The following IL1R1 variants were observed in gnomAD, a reference collection of about 807,000 sequenced individuals.
IL1R1 encodes the protein interleukin-1 receptor type 1.
A neutral mutation model predicts 50.2 loss-of-function variants in IL1R1; 22 were observed. That is an observed-to-expected ratio of 0.44 (90% CI 0.31 to 0.63). The LOEUF is 0.63. Ranked by LOEUF, IL1R1 falls within the 20% of genes least tolerant of loss-of-function variation. The pLI, the probability that IL1R1 is intolerant of heterozygous loss-of-function variation, is 0.07. For synonymous variants in IL1R1, 251 were observed against 236.7 expected, an observed-to-expected ratio of 1.06 and a Z score of -0.55; for missense variants, 509 against 676.2, an observed-to-expected ratio of 0.75 and a Z score of 2.74.
chr2:102,162,086 C>A (rs918950516), intron 3 of IL1R1, among the ~76,000 whole-genome samples: 28 of 152,208 alleles, frequency 1.8e-4, no homozygotes, highest in South Asian at 1.5e-3. Context: ...GTCACTCAAG[C>A]TTTAACTAAT....
At chr2:102,083,060 G>A (rs13419223) in intron 1 of IL1R1, among the ~76,000 whole-genome samples, 3,221 of 152,240 alleles carry the variant, frequency 0.021, 130 homozygotes, top group African/African-American at 0.073. Flanking sequence ...GTAAGCTTCT[G>A]TAGGGCTGGC....
At chr2:102,138,380 T>C (rs1263633224), upstream of IL1R1, among the ~76,000 whole-genome samples, 1 of 152,242 alleles carries the variant, frequency 6.6e-6, no homozygotes, top group Non-Finnish European at 1.5e-5. Context: ...GCACAAACAG[T>C]TGGCTGGTTT....
intron 1 of IL1R1, among the ~76,000 whole-genome samples, chr2:102,110,867 T>C (rs894515640): frequency 1.3e-5 from 2 of 151,642 alleles, no homozygotes; most frequent in African/African-American, 2.4e-5. Context: ...CTGAGCACTG[T>C]GAAAGAAACA....
At chr2:102,143,976 C>T (rs1682899635) in intron 1 of IL1R1, among the ~76,000 whole-genome samples, 1 of 152,166 alleles carries the variant, frequency 6.6e-6, no homozygotes, top group South Asian at 2.1e-4. Flanking sequence ...TCAGTCGCTG[C>T]GGTTTGGTGC....
upstream of IL1R1, among the ~76,000 whole-genome samples, chr2:102,101,072 T>A (rs1328236709): frequency 1.3e-5 from 2 of 152,154 alleles, no homozygotes; most frequent in African/African-American, 4.8e-5. Context: ...TCAGGTCAAT[T>A]AGCACTCCCT....
intron 1 of IL1R1, among the ~76,000 whole-genome samples, chr2:102,112,645 G>A (rs6745603): frequency 6.6e-6 from 1 of 152,124 alleles, no homozygotes; most frequent in Non-Finnish European, 1.5e-5. Context: ...GGAAGCAAAA[G>A]GTGTGTTTAC....
chr2:102,111,584 A>G (rs898958782), intron 1 of IL1R1, among the ~76,000 whole-genome samples: 3 of 152,182 alleles, frequency 2.0e-5, no homozygotes, highest in Non-Finnish European at 4.4e-5. Flanking sequence ...GAGAGGAAGA[A>G]GGAGTGGAAG....
intron 8 of IL1R1, chr2:102,172,452 A>C (rs1223290034): frequency 1.0e-6 from 1 of 983,432 alleles, no homozygotes; most frequent in Non-Finnish European, 1.2e-6. Flanking sequence ...TTCTTCTTGG[A>C]AGTGGTAATT....
intron 3 of IL1R1, among the ~76,000 whole-genome samples, chr2:102,159,532 G>A (rs780113780): frequency 6.6e-6 from 1 of 152,206 alleles, no homozygotes; most frequent in Non-Finnish European, 1.5e-5. Flanking sequence ...GGTTCCCCAG[G>A]AATGTGTCAG....
chr2:102,073,560 G>A (rs1054559342), intron 1 of IL1R1, among the ~76,000 whole-genome samples: 1 of 152,162 alleles, frequency 6.6e-6, no homozygotes, highest in African/African-American at 2.4e-5. Flanking sequence ...CTTCTCAGAA[G>A]TCCATGTGCC....
chr2:102,119,444 G>A (rs566286555), intron 1 of IL1R1, among the ~76,000 whole-genome samples: 1 of 152,344 alleles, frequency 6.6e-6, no homozygotes, highest in South Asian at 2.1e-4. Context: ...TTCTGGAACT[G>A]AGATGCCAAT....
intron 1 of IL1R1, among the ~76,000 whole-genome samples, chr2:102,108,923 G>A (rs957495624): frequency 4.7e-5 from 7 of 149,368 alleles, no homozygotes; most frequent in Admixed American, 4.7e-4. Context: ...CTGACATTTA[G>A]TAATGGTTTG....
upstream of IL1R1, among the ~76,000 whole-genome samples, chr2:102,139,306 G>A (rs956592020): frequency 6.6e-6 from 1 of 152,196 alleles, no homozygotes; most frequent in Non-Finnish European, 1.5e-5. Context: ...GGATGCACTG[G>A]ACTTTTCTCA....
chr2:102,146,678 C>T (rs939485986), intron 1 of IL1R1, among the ~76,000 whole-genome samples: 4 of 152,160 alleles, frequency 2.6e-5, no homozygotes, highest in East Asian at 1.9e-4. Context: ...CTTGTGCCAA[C>T]AATATATGTA....
chr2:102,094,720 T>G (rs1679822886), intron 1 of IL1R1, among the ~76,000 whole-genome samples: 1 of 152,216 alleles, frequency 6.6e-6, no homozygotes, highest in Non-Finnish European at 1.5e-5. Flanking sequence ...AATTTATGTG[T>G]GCGTTACCAG....
rs1356310035 is a variant in IL1R1, at chr2:102,177,812, G to A, written c.*1053G>A. 1 of 152,348 alleles carries A rather than the reference G, an allele frequency of 6.6e-6. No individual in the cohort carries two copies. The highest frequency in any genetic ancestry group is 2.4e-5 in the African/African-American group (1 of 41,408). The allele number at this position is 152,348 out of a possible 1,614,324, so 9.4% of individuals were successfully genotyped here. ...GTCTTTGGAGGAACAGCTCCCTAGT[G>A]GCTTCCTCCGTCTGCAATGTCCCTT... On this transcript the variant is annotated 3_prime_UTR_variant, in exon 12 of 12. Coordinates refer to ENST00000410023, the MANE Select transcript of IL1R1 (RefSeq NM_000877.4).
intron 1 of IL1R1, among the ~76,000 whole-genome samples, chr2:102,125,247 C>G (rs1214689904): frequency 6.6e-6 from 1 of 152,200 alleles, no homozygotes; most frequent in Non-Finnish European, 1.5e-5. Context: ...ATGCTTGCAA[C>G]TCCCTTCATC....
chr2:102,128,659 GCTAGTAACCATCATTCTGCA>G (rs1681859252), intron 1 of IL1R1, among the ~76,000 whole-genome samples: 1 of 152,202 alleles, frequency 6.6e-6, no homozygotes, highest in Non-Finnish European at 1.5e-5. Context: ...CATTGCCTAT[GCTAGTAACCATCATTCTGCA>G]CTTCCTCTAG....
At chr2:102,080,305 G>A (rs4851539) in intron 1 of IL1R1, among the ~76,000 whole-genome samples, 30,988 of 152,088 alleles carry the variant, frequency 0.2, 3,671 homozygotes, top group East Asian at 0.53. Flanking sequence ...AGCTCATGGA[G>A]TGGGATAAAA....
Sources: gnomAD v4.1 joint callset for allele counts (sites outside exome capture counted in the v4.1 genomes callset) on GRCh38, gnomAD v4.1.1 for gene constraint, MANE v1.5 for transcripts, NCBI Gene and HGNC (gene_info 2026-07-23, HGNC 2026-07-21) for gene names.